SPAG5: variants seen among roughly 807,000 people sequenced by gnomAD.
SPAG5 encodes sperm associated antigen 5.
Under a neutral mutation model 145.4 loss-of-function variants are expected in SPAG5, and 99 were observed. That is an observed-to-expected ratio of 0.68 (90% confidence interval 0.58 to 0.80). The LOEUF (loss-of-function observed/expected upper bound fraction) is 0.80, where lower values mean the gene tolerates loss of function less well. SPAG5 is among the 30% of genes least tolerant of loss of function. The probability of loss-of-function intolerance (pLI) is 0.00; values close to 1 mark genes in which losing one functional copy is unlikely to be tolerated. For synonymous variants in SPAG5, 477 were observed against 525.4 expected (o/e 0.91, Z 1.26); for missense variants, 1,192 against 1,416.0 (o/e 0.84, Z 2.54).
chr17:28,585,539 G>C lies in SPAG5; in HGVS notation c.1855C>G (p.Gln619Glu), dbSNP rs745688143. The change falls in exon 8 of 24, where the codon CAA becomes GAA. Residue 619 changes from glutamine to glutamate, a missense_variant. Physicochemically the swap from Gln to Glu is conservative, Grantham distance 29 (BLOSUM62 2). Transcript: ENST00000321765. ...AGAAAATGCCCTTAAATTACCAGTT[G>C]GGTCTGGGCATCCTTCAGAAGGCCT... Reference protein sequence around the residue: ...FRGLLKDAQTQLVGLHAKQEE... With the variant: ...FRGLLKDAQTELVGLHAKQEE... 6.2e-7 allele frequency: 1 copy of C among 1,614,050 alleles called. No homozygotes were observed. The highest frequency in any genetic ancestry group is 1.1e-5 in the South Asian group (1 of 91,084).
rs2070636106 is a variant in SPAG5 at position 28,593,137 on chromosome 17, G to A, written c.178-71C>T. 2.0e-6 allele frequency: 3 copies of A among 1,522,008 alleles called. No individual in the cohort carries two copies. The Admixed American group carries it at 6.4e-5, about 33-fold the overall frequency. 94.3% of individuals were successfully genotyped at this position (1,522,008 alleles called of 1,614,324 possible). On this transcript the variant is annotated intron_variant, in intron 2 of 23. Transcript: ENST00000321765. ...TCCCGACATACAATTACAGGTGCAA[G>A]ATAGTGCACTCAAAAAAGAAAAGAA...
In SPAG5 at chr17:28,589,681, TAGC is replaced by T. The variant is rs538619081; in HGVS notation, c.1437+2014_1437+2016del. On this transcript the variant is annotated intron_variant, in intron 4 of 23. Coordinates refer to ENST00000321765, the MANE Select transcript of SPAG5 (RefSeq NM_006461.4). ...TCCCAGTGCTTTGGGAGGCAAAGGC[TAGC>T]AGATCACTTGAGCCCAGGGGTTTGA... 1.8e-3 allele frequency among the ~76,000 whole-genome samples: 274 copies of T among 152,216 alleles called. 1 individual carries two copies. Among genetic ancestry groups the T allele is most frequent in the Non-Finnish European group, 3.0e-3 (207 of 68,020 alleles).
intron 5 of SPAG5, 54 bp downstream of exon 5, chr17:28,586,371 A>G (rs2070585587): frequency 2.7e-6 from 4 of 1,454,664 alleles, no homozygotes; most frequent in Admixed American, 3.4e-5. Context: ...AGGATTCTCC[A>G]TTCTTCATCT....
chr17:28,577,819 C>T (rs1168994133), intron 23 of SPAG5, 49 bp from the exon 24 acceptor site: 2 of 1,491,366 alleles, frequency 1.3e-6, no homozygotes, highest in South Asian at 2.3e-5. Context: ...ACTTAAGGCC[C>T]AGGGCTCCCA....
At chr17:28,598,444 T>C in intron 2 of SPAG5, 66 bp downstream of exon 2, 1 of 1,553,564 alleles carries the variant, frequency 6.4e-7, no homozygotes, top group South Asian at 1.2e-5. Context: ...GCCCTGGCCC[T>C]CTGTTCCCCT....
Position 28,578,487 on chromosome 17 carries a change from C to A in SPAG5, c.3240G>T (p.Arg1080=). 1 of 1,612,494 alleles carries A rather than the reference C, an allele frequency of 6.2e-7. No individual in the cohort carries two copies. Residue 1080 remains arginine (R), a synonymous_variant, in exon 21 of 24, where the codon CGG becomes CGT. Transcript: ENST00000321765. ...EEVTHLTRSL[R]RAETETKVLQ... is the part of the protein sequence containing the mutation. ...GCACTTTGGTCTCTGTCTCCGCACG[C>A]CGAAGTGAGCGGGTAAGGTGGGTCA...
At chr17:28,579,542 GTATAGCCATCATTTCCACAACTCT>G (rs1476592832) in intron 17 of SPAG5, 57 bp from the exon 18 acceptor site, 31 of 1,579,962 alleles carry the variant, frequency 2.0e-5, no homozygotes, top group Non-Finnish European at 2.4e-5. Context: ...AGGAAGGAGT[GTATAGCCATCATTTCCACAACTCT>G]TATCCGTGTT....
chr17:28,591,234 T>A (rs1431850187), intron 4 of SPAG5, among the ~76,000 whole-genome samples: 2 of 152,228 alleles, frequency 1.3e-5, no homozygotes, highest in Non-Finnish European at 2.9e-5. Flanking sequence ...AAAGTTCTGA[T>A]GTACCCCAGG....
intron 15 of SPAG5, among the ~76,000 whole-genome samples, 195 bp downstream of exon 15, chr17:28,583,316 T>C (rs564709501): frequency 1.3e-5 from 2 of 152,294 alleles, no homozygotes; most frequent in East Asian, 3.9e-4. Context: ...ATACAGGCAG[T>C]CTAGCTGGGG....
rs201473470 is a variant in SPAG5 at position 28,598,953 on chromosome 17, C to T, written c.-7G>A. 304 of 1,613,920 alleles carry T rather than the reference C, an allele frequency of 1.9e-4. 1 individual carries two copies. The highest frequency in any genetic ancestry group is 8.2e-4 in the Middle Eastern group (5 of 6,062). The stretch of plus-strand genomic sequence containing the variant: ...GTTTTTTCACTCGCCACATCTTCAA[C>T]CAGAAGGCAGGCCTATCACGTCTCA... On this transcript the variant is annotated 5_prime_UTR_variant, in exon 1 of 24. Transcript: ENST00000321765.
Position 28,578,411 on chromosome 17 carries a change from T to C in SPAG5, c.3316A>G (p.Thr1106Ala). 1 of 1,614,090 alleles carries C rather than the reference T, an allele frequency of 6.2e-7. No individual in the cohort carries two copies. The highest frequency in any genetic ancestry group is 1.7e-5 in the Admixed American group (1 of 60,030). Reference sequence around the variant, plus strand: ...CACACTTTCTCCTGGATCCAATTGGTGGCCATAGGCTGGCAGTTGGAGTCC... The same window carrying C: ...CACACTTTCTCCTGGATCCAATTGGCGGCCATAGGCTGGCAGTTGGAGTCC... ...QLDSNCQPMA[T>A]NWIQEKVWLS... The change falls in exon 21 of 24, where the codon ACC becomes GCC. Residue 1106 changes from threonine to alanine, a missense_variant. Coordinates refer to ENST00000321765, the MANE Select transcript of SPAG5 (RefSeq NM_006461.4).
Position 28,598,496 on chromosome 17 carries a change from C to T in SPAG5, c.177+14G>A, listed in dbSNP as rs770731259. 1.2e-6 allele frequency: 2 copies of T among 1,612,676 alleles called. No individual in the cohort carries two copies. Among genetic ancestry groups the T allele is most frequent in the South Asian group, 1.1e-5 (1 of 90,952 alleles). ...CAAACAGCCCAGTCGAGAAGCTGTC[C>T]AGGCGAATCTCACCTGCAGCCCCAG... On this transcript the variant is annotated intron_variant, in intron 2 of 23. Coordinates refer to ENST00000321765, the MANE Select transcript of SPAG5 (RefSeq NM_006461.4).
At chr17:28,590,258 C>G (rs2070611364) in intron 4 of SPAG5, among the ~76,000 whole-genome samples, 1 of 152,128 alleles carries the variant, frequency 6.6e-6, no homozygotes, top group Admixed American at 6.5e-5. Flanking sequence ...GAGGCAGGGT[C>G]TGGCTCTGTT....
intron 19 of SPAG5, 55 bp downstream of exon 19, chr17:28,579,086 G>T: frequency 7.1e-7 from 1 of 1,411,336 alleles, no homozygotes; most frequent in Non-Finnish European, 9.9e-7. Flanking sequence ...GCTCCCAGTG[G>T]GCCAGTAGAG....
intron 1 of SPAG5, 110 bp downstream of exon 1, chr17:28,598,786 A>C: frequency 1.3e-6 from 2 of 1,514,972 alleles, no homozygotes; most frequent in East Asian, 2.3e-5. Context: ...CAAAGACTCC[A>C]CAAGCCCCCA....
At chr17:28,582,548 C>T (rs1443833198) in intron 15 of SPAG5, among the ~76,000 whole-genome samples, 1 of 152,212 alleles carries the variant, frequency 6.6e-6, no homozygotes, top group Non-Finnish European at 1.5e-5. Flanking sequence ...TCCATGCAGA[C>T]CTCTACCATG....
rs1007835194 is a variant in SPAG5, at chr17:28,585,999, C to T, written c.1606-1G>A. The stretch of plus-strand genomic sequence containing the variant: ...AGACCAATGTTTCTGCACGCCGAGA[C>T]TATATGGTAAGAATCAGTTAATGTG... On this transcript the variant is annotated splice_acceptor_variant, in intron 6 of 23. Coordinates refer to ENST00000321765, the MANE Select transcript of SPAG5 (RefSeq NM_006461.4). LOFTEE classifies it high-confidence loss of function. 1.9e-6 allele frequency: 3 copies of T among 1,614,120 alleles called. No homozygotes were observed. The highest frequency in any genetic ancestry group is 2.5e-6 in the Non-Finnish European group (3 of 1,180,048).
intron 10 of SPAG5, 70 bp downstream of exon 10, chr17:28,585,032 G>T (rs986166904): frequency 7.3e-7 from 1 of 1,376,796 alleles, no homozygotes; most frequent in African/African-American, 1.4e-5. Context: ...CAGATCCAGG[G>T]TAAGAGGCTA....
At position 28,583,975 on chromosome 17, in the gene SPAG5, C is replaced by T. The variant is rs1006813793; in HGVS notation, c.2424G>A (p.Gln808=). 4 of 1,614,020 alleles carry T rather than the reference C, an allele frequency of 2.5e-6. No individual in the cohort carries two copies. Among genetic ancestry groups the T allele is most frequent in the Non-Finnish European group, 2.5e-6 (3 of 1,180,038 alleles). ...GCTCCAGGTGAGCAACCTGATTCTC[C>T]TGGTCTGCAAACTGGGAAGACAAGA... ...DLKETLEFAD[Q]ENQVAHLELG... is the part of the protein sequence containing the mutation. The change falls in exon 14 of 24, where the codon CAG becomes CAA. Residue 808 remains glutamine, a synonymous_variant. Coordinates refer to ENST00000321765, the MANE Select transcript of SPAG5 (RefSeq NM_006461.4).
Sources: allele counts gnomAD v4.1 joint callset (sites outside exome capture counted in the v4.1 genomes callset), GRCh38; gene constraint gnomAD v4.1.1; transcripts MANE v1.5; gene names NCBI Gene and HGNC (gene_info 2026-07-23, HGNC 2026-07-21).